The following NRXN1 variants were observed in gnomAD, a reference collection of about 807,000 sequenced individuals.
NRXN1 encodes the protein neurexin 1, also known as neurexin-1.
Under a neutral mutation model 150.9 loss-of-function variants are expected in NRXN1, and 39 were observed. The observed-to-expected ratio is 0.26, with a 90% CI of 0.20 to 0.34. The LOEUF (loss-of-function observed/expected upper bound fraction) is 0.34, where lower values mean the gene tolerates loss of function less well. NRXN1 is among the 10% of genes least tolerant of loss of function. The pLI, the probability that NRXN1 is intolerant of heterozygous loss-of-function variation, is 1.00. For missense variants in NRXN1, 1,815 were observed against 1,949.9 expected (o/e 0.93, Z 1.30); for synonymous variants, 924 against 757.0 (o/e 1.22, Z -3.62).
intron 5 of NRXN1, among the ~76,000 whole-genome samples, chr2:50,729,886 C>A (rs1438600107): frequency 6.6e-6 from 1 of 152,182 alleles, no homozygotes; most frequent in Non-Finnish European, 1.5e-5. Flanking sequence ...GGATCCCTCA[C>A]ACTCACAGGA....
At chr2:50,395,106 T>A (rs973204935) in intron 17 of NRXN1, among the ~76,000 whole-genome samples, 8 of 152,084 alleles carry the variant, frequency 5.3e-5, no homozygotes, top group African/African-American at 1.9e-4. Context: ...TATACTCACA[T>A]CATATTATTT....
intron 5 of NRXN1, among the ~76,000 whole-genome samples, chr2:50,872,290 T>C (rs1485737793): frequency 1.3e-5 from 2 of 151,648 alleles, no homozygotes; most frequent in African/African-American, 4.8e-5. Flanking sequence ...GTAATAATGG[T>C]GATTGTACAC....
At chr2:50,204,482 T>C (rs2062421691) in intron 18 of NRXN1, among the ~76,000 whole-genome samples, 1 of 152,058 alleles carries the variant, frequency 6.6e-6, no homozygotes, top group Admixed American at 6.6e-5. Flanking sequence ...AAGTTGTTTA[T>C]TTCCATGAGC....
At chr2:50,622,283 T>G (rs7590315) in intron 6 of NRXN1, among the ~76,000 whole-genome samples, 1 of 152,030 alleles carries the variant, frequency 6.6e-6, no homozygotes, top group South Asian at 2.1e-4. Flanking sequence ...CTAGCTCAGA[T>G]AGTATAAACC....
At chr2:50,550,457 C>G (rs1667274685) in intron 9 of NRXN1, among the ~76,000 whole-genome samples, 1 of 151,934 alleles carries the variant, frequency 6.6e-6, no homozygotes, top group Admixed American at 6.6e-5. Flanking sequence ...CTAGATCTAT[C>G]TTAAGTCAAA....
chr2:50,722,619 A>T (rs956286680), intron 5 of NRXN1, among the ~76,000 whole-genome samples: 28 of 152,334 alleles, frequency 1.8e-4, no homozygotes, highest in Admixed American at 1.7e-3. Flanking sequence ...ATATTAATAT[A>T]AAAAGGTTAC....
intron 18 of NRXN1, among the ~76,000 whole-genome samples, chr2:50,138,128 A>G (rs569803710): frequency 1.3e-5 from 2 of 152,344 alleles, no homozygotes; most frequent in African/African-American, 4.8e-5. Flanking sequence ...AATTGAAGCT[A>G]ATTACACTTA....
At chr2:50,135,275 T>C (rs1706210659) in intron 18 of NRXN1, among the ~76,000 whole-genome samples, 2 of 152,186 alleles carry the variant, frequency 1.3e-5, no homozygotes, top group Non-Finnish European at 1.5e-5. Context: ...CCACAAGTCA[T>C]TACCAGAGAT....
intron 19 of NRXN1, among the ~76,000 whole-genome samples, chr2:50,068,810 G>A (rs146178291): frequency 1.3e-5 from 2 of 152,306 alleles, no homozygotes; most frequent in East Asian, 3.9e-4. Flanking sequence ...TGAAGTAAAT[G>A]TGAAGAAGAG....
rs762326241 is a variant in NRXN1 at position 50,538,388 on chromosome 2, G to C, written c.2008C>G (p.Pro670Ala). The C allele has an allele frequency of 5.6e-6, 9 of 1,613,960 alleles. No individual in the cohort carries two copies. Among genetic ancestry groups the C allele is most frequent in the African/African-American group, 1.3e-5 (1 of 75,036 alleles). Residue 670 changes from proline to alanine, a missense_variant, in exon 10 of 23, where the codon CCT becomes GCT. Pro to Ala is a conservative substitution (Grantham distance 27). Around this residue, in one of 6 missense-constraint regions of NRXN1, gnomAD observed 638 missense variants for 652.6 expected, o/e 0.98. Transcript: ENST00000401669. ...TTTGCTGTTTCCTTTGAGCAGGAAG[G>C]CTTCACTCCAGCAGTACTTTGAACT... ...AEVQSTAGVKPSCSKETAKPC... is the reference protein window; with the variant it reads ...AEVQSTAGVKASCSKETAKPC...
At chr2:50,967,175 G>A (rs144701972) in intron 2 of NRXN1, among the ~76,000 whole-genome samples, 7 of 151,840 alleles carry the variant, frequency 4.6e-5, no homozygotes, top group Non-Finnish European at 1.0e-4. Context: ...TTTTGTTAAT[G>A]CTACTTCAGA....
chr2:50,788,623 A>AGAG (rs1705488940), intron 5 of NRXN1, among the ~76,000 whole-genome samples: 1 of 151,588 alleles, frequency 6.6e-6, no homozygotes, highest in African/African-American at 2.4e-5. Context: ...GAGAGAGAGA[A>AGAG]AGAGAGAGAC....
At chr2:50,387,333 T>G (rs2081392385) in intron 17 of NRXN1, among the ~76,000 whole-genome samples, 1 of 152,144 alleles carries the variant, frequency 6.6e-6, no homozygotes, top group Non-Finnish European at 1.5e-5. Context: ...GGTAAATTGA[T>G]GAGAGATAAG....
In NRXN1 at chr2:49,924,462, T is replaced by A. The variant is rs543780378; in HGVS notation, c.4217-2211A>T. Reference sequence around the variant, plus strand: ...TAAATGGACTATCTTATCAAAAAAATTTTATTTTTATCTGCTAAAATATTT... The same window carrying A: ...TAAATGGACTATCTTATCAAAAAAAATTTATTTTTATCTGCTAAAATATTT... On this transcript the variant is annotated intron_variant, in intron 22 of 22. Coordinates refer to ENST00000401669, the MANE Select transcript of NRXN1 (RefSeq NM_001330078.2). Among the ~76,000 whole-genome samples, 35 of 152,304 alleles carry A rather than the reference T, an allele frequency of 2.3e-4. No homozygotes were observed. The East Asian group carries it at 3.7e-3, about 16-fold the overall frequency.
At chr2:50,409,194 T>C (rs2104042879) in intron 17 of NRXN1, among the ~76,000 whole-genome samples, 1 of 152,302 alleles carries the variant, frequency 6.6e-6, no homozygotes, top group Admixed American at 6.5e-5. Flanking sequence ...ATTTCACAGA[T>C]GGAAAAGACT....
At chr2:50,214,128 A>T (rs2063221743) in intron 18 of NRXN1, among the ~76,000 whole-genome samples, 2 of 151,908 alleles carry the variant, frequency 1.3e-5, no homozygotes, top group Non-Finnish European at 2.9e-5. Flanking sequence ...TACTCATATT[A>T]GTCATAACTT....
intron 17 of NRXN1, among the ~76,000 whole-genome samples, chr2:50,329,674 T>TATATATATATA (rs1491185055): frequency 8.8e-5 from 1 of 11,406 alleles, no homozygotes. Flanking sequence ...TATATATATA[T>TATATATATATA]TTTTTTTTTT....
chr2:50,644,714 G>T (rs1684557641), intron 5 of NRXN1, among the ~76,000 whole-genome samples: 1 of 150,284 alleles, frequency 6.7e-6, no homozygotes, highest in Non-Finnish European at 1.5e-5. Flanking sequence ...TGCAAATTCA[G>T]CCATTTCAAC....
At position 50,742,617 on chromosome 2, in the gene NRXN1, A is replaced by G. The variant is rs911793169; in HGVS notation, c.833-119002T>C. On this transcript the variant is annotated intron_variant, in intron 5 of 22. Coordinates refer to ENST00000401669, the MANE Select transcript of NRXN1 (RefSeq NM_001330078.2). ...ACGGAGACTCCGTCTCAAAAAAAAA[A>G]AAAAAAGAAAAAAGAAACCCAAGTC... Among the ~76,000 whole-genome samples, 5 of 151,724 alleles carry G rather than the reference A, an allele frequency of 3.3e-5. No homozygotes were observed. In the South Asian group the frequency reaches 6.2e-4, roughly 19 times the overall value.
Sources: gnomAD v4.1 joint callset for allele counts (sites outside exome capture counted in the v4.1 genomes callset) on GRCh38, gnomAD v4.1.1 for gene constraint, gnomAD v4.1.1 regional missense constraint, MANE v1.5 for transcripts, NCBI Gene and HGNC (gene_info 2026-07-23, HGNC 2026-07-21) for gene names.